KLHL1: variants seen among roughly 807,000 people sequenced by gnomAD.
KLHL1 encodes the protein kelch-like protein 1.
KLHL1 carries 47 observed loss-of-function variants against 77.7 expected under a neutral mutation model. The observed-to-expected ratio is 0.60, with a 90% CI of 0.48 to 0.77. The LOEUF is 0.77. Ranked by LOEUF, KLHL1 falls within the 30% of genes least tolerant of loss-of-function variation. The probability of loss-of-function intolerance (pLI) is 0.00; values close to 1 mark genes in which losing one functional copy is unlikely to be tolerated. For missense variants in KLHL1, 925 were observed against 910.8 expected, an observed-to-expected ratio of 1.02 and a Z score of -0.20; for synonymous variants, 360 against 325.2, an observed-to-expected ratio of 1.11 and a Z score of -1.15.
At chr13:69,946,751 C>T (rs1883538847) in intron 3 of KLHL1, among the ~76,000 whole-genome samples, 1 of 151,982 alleles carries the variant, frequency 6.6e-6, no homozygotes, top group African/African-American at 2.4e-5. Context: ...GGCCCCAAGC[C>T]ATCCTCTTGC....
chr13:69,735,142 A>G (rs1340736337), intron 8 of KLHL1, among the ~76,000 whole-genome samples: 3 of 151,936 alleles, frequency 2.0e-5, no homozygotes, highest in Admixed American at 2.0e-4. Context: ...TAAGAAAACA[A>G]TCATCATCTT....
At chr13:69,876,634 G>T (rs1281891922) in intron 5 of KLHL1, among the ~76,000 whole-genome samples, 1 of 152,036 alleles carries the variant, frequency 6.6e-6, no homozygotes, top group African/African-American at 2.4e-5. Flanking sequence ...AAATGTACAT[G>T]CACATAAACA....
chr13:69,998,498 C>T (rs961176548), intron 1 of KLHL1, among the ~76,000 whole-genome samples: 2 of 152,022 alleles, frequency 1.3e-5, no homozygotes, highest in African/African-American at 4.8e-5. Context: ...TATGTACATC[C>T]GCATTCCATC....
At chr13:69,798,618 T>C (rs116074247) in intron 6 of KLHL1, among the ~76,000 whole-genome samples, 3,516 of 152,060 alleles carry the variant, frequency 0.023, 131 homozygotes, top group African/African-American at 0.081. Context: ...TTTTATATTT[T>C]AATATATTTA....
intron 1 of KLHL1, among the ~76,000 whole-genome samples, chr13:70,070,776 G>C (rs762571571): frequency 6.6e-5 from 10 of 152,054 alleles, no homozygotes; most frequent in Non-Finnish European, 1.2e-4. Flanking sequence ...TGATAATGAT[G>C]TTATAAGTAA....
intron 6 of KLHL1, among the ~76,000 whole-genome samples, chr13:69,811,196 A>G (rs1877865154): frequency 6.6e-6 from 1 of 151,988 alleles, no homozygotes; most frequent in African/African-American, 2.4e-5. Context: ...AGGCTAATAC[A>G]CCTGATGAGC....
intron 2 of KLHL1, among the ~76,000 whole-genome samples, chr13:69,964,763 A>T (rs1201160780): frequency 1.3e-5 from 2 of 151,822 alleles, no homozygotes; most frequent in Non-Finnish European, 1.5e-5. Context: ...TGCTTTATTC[A>T]TTGTTATCTA....
At position 69,961,433 on chromosome 13, in the gene KLHL1, C is replaced by T; in HGVS notation, c.692G>A (p.Ser231Asn). The change falls in exon 3 of 11, where the codon AGT becomes AAT. Residue 231 changes from serine (S) to asparagine (N), a missense_variant. Transcript: ENST00000377844. ...RKIPAHRLVLSSVSDYFAAMF... is the reference protein window; with the variant it reads ...RKIPAHRLVLNSVSDYFAAMF... ...GGCCGCAAAATAGTCGGAGACTGAACTCAGAACAAGCCTGAAAGAGTCACA... is the reference window on the plus strand; with the variant it reads ...GGCCGCAAAATAGTCGGAGACTGAATTCAGAACAAGCCTGAAAGAGTCACA... The T allele has an allele frequency of 6.2e-7, 1 of 1,612,754 alleles. No homozygotes were observed. The highest frequency in any genetic ancestry group is 1.1e-5 in the South Asian group (1 of 91,052).
chr13:69,902,065 G>T lies in KLHL1; in HGVS notation c.1015-19570C>A, dbSNP rs547019356. Among the ~76,000 whole-genome samples the T allele has an allele frequency of 2.6e-5, 4 of 152,230 alleles. No individual in the cohort carries two copies. In the East Asian group the frequency reaches 5.8e-4, roughly 22 times the overall value. On this transcript the variant is annotated intron_variant, in intron 4 of 10. Coordinates refer to ENST00000377844, the MANE Select transcript of KLHL1 (RefSeq NM_020866.3). ...TCTGCCCACCTCAGCCTCCCAGAGT[G>T]CTGGGATTACAGGCGTGAGCCACCA... is the stretch of plus-strand genomic sequence containing the variant.
At position 69,975,714 on chromosome 13, in the gene KLHL1, C is replaced by T; in HGVS notation, c.586G>A (p.Glu196Lys). The T allele has an allele frequency of 1.2e-6, 2 of 1,613,602 alleles. No homozygotes were observed. The highest frequency in any genetic ancestry group is 1.3e-5 in the African/African-American group (1 of 74,956). The part of the protein sequence containing the change: ...EEFYQAVHHA[E>K]QTFRKMESYL... Reference sequence around the variant, plus strand: ...CTTTCCATCTTTCTGAAGGTTTGCTCAGCATGATGAACAGCTTGATAGAAT... The same window carrying T: ...CTTTCCATCTTTCTGAAGGTTTGCTTAGCATGATGAACAGCTTGATAGAAT... The change falls in exon 2 of 11, where the codon GAG (glutamate) becomes AAG (lysine). Residue 196 changes from glutamate to lysine, a missense_variant. Physicochemically the swap from Glu to Lys is moderately conservative, Grantham distance 56. Transcript: ENST00000377844.
chr13:70,026,542 C>T (rs193124862), intron 1 of KLHL1, among the ~76,000 whole-genome samples: 69 of 152,196 alleles, frequency 4.5e-4, no homozygotes, highest in Non-Finnish European at 7.8e-4. Flanking sequence ...CTAGTTTACT[C>T]TGCTACTGAA....
At chr13:69,980,115 A>C (rs1338810625) in intron 1 of KLHL1, among the ~76,000 whole-genome samples, 1 of 152,220 alleles carries the variant, frequency 6.6e-6, no homozygotes, top group Non-Finnish European at 1.5e-5. Context: ...TAAACAGTTC[A>C]GGACTCAATA....
chr13:69,826,400 C>T (rs1357356247), intron 6 of KLHL1, among the ~76,000 whole-genome samples: 2 of 152,102 alleles, frequency 1.3e-5, no homozygotes, highest in Non-Finnish European at 2.9e-5. Context: ...GCCTGGCCAA[C>T]AGGGTAAAAT....
chr13:69,753,981 C>T (rs924076559), intron 7 of KLHL1, among the ~76,000 whole-genome samples: 10 of 150,452 alleles, frequency 6.6e-5, no homozygotes, highest in African/African-American at 2.2e-4. Context: ...GGACTAGAGG[C>T]GTGTTCCACC....
At chr13:69,871,199 C>G (rs1454790462) in intron 5 of KLHL1, among the ~76,000 whole-genome samples, 1 of 152,100 alleles carries the variant, frequency 6.6e-6, no homozygotes, top group East Asian at 1.9e-4. Context: ...GAACAATGGC[C>G]TAAGCAGTAC....
chr13:69,933,579 T>C (rs914694682), intron 4 of KLHL1, among the ~76,000 whole-genome samples: 2 of 152,128 alleles, frequency 1.3e-5, no homozygotes, highest in Non-Finnish European at 2.9e-5. Context: ...GAAGGATGTA[T>C]AGCATGTTTT....
chr13:69,950,088 T>G (rs543673859), intron 3 of KLHL1, among the ~76,000 whole-genome samples: 1 of 151,758 alleles, frequency 6.6e-6, no homozygotes, highest in South Asian at 2.1e-4. Context: ...AAAGACATGG[T>G]TATGTTTTTT....
chr13:70,039,077 T>A (rs1886309758), intron 1 of KLHL1, among the ~76,000 whole-genome samples: 1 of 96,934 alleles, frequency 1.0e-5, no homozygotes, highest in Admixed American at 1.1e-4. Flanking sequence ...TTTTTTTTTG[T>A]AATGGACAGG....
chr13:69,777,368 G>T (rs995808085), intron 7 of KLHL1, among the ~76,000 whole-genome samples: 1 of 152,056 alleles, frequency 6.6e-6, no homozygotes, highest in African/African-American at 2.4e-5. Flanking sequence ...ACATAGACAA[G>T]AAATTATCCC....
Sources: gnomAD v4.1 joint callset for allele counts (sites outside exome capture counted in the v4.1 genomes callset) on GRCh38, gnomAD v4.1.1 for gene constraint, MANE v1.5 for transcripts, NCBI Gene and HGNC (gene_info 2026-07-23, HGNC 2026-07-21) for gene names.